The following DYNC2I1 variants were observed in gnomAD, a reference collection of about 807,000 sequenced individuals.
DYNC2I1 encodes dynein 2 intermediate chain 1.
Under a neutral mutation model 133.4 loss-of-function variants are expected in DYNC2I1, and 89 were observed. That is an observed-to-expected ratio of 0.67 (90% CI 0.56 to 0.80). The LOEUF is 0.80. DYNC2I1 is among the 30% of genes least tolerant of loss of function. The pLI, the probability that DYNC2I1 is intolerant of heterozygous loss-of-function variation, is 0.00. For synonymous variants in DYNC2I1, 504 were observed against 484.3 expected (o/e 1.04, Z -0.54); for missense variants, 1,291 against 1,314.5 (o/e 0.98, Z 0.28).
intron 22 of DYNC2I1, 66 bp from the exon 23 acceptor site, chr7:158,934,352 C>T (rs1850536826): frequency 1.3e-6 from 2 of 1,561,700 alleles, no homozygotes; most frequent in African/African-American, 1.4e-5. Context: ...GTTTGAGGAA[C>T]AGTAGCTGTA....
intron 21 of DYNC2I1, among the ~76,000 whole-genome samples, chr7:158,933,863 T>C (rs1850476246): frequency 6.6e-6 from 1 of 152,220 alleles, no homozygotes; most frequent in African/African-American, 2.4e-5. Context: ...GAAACTGTTA[T>C]CTCTGAAATT....
chr7:158,859,281 A>G (rs1841662811), intron 1 of DYNC2I1, among the ~76,000 whole-genome samples: 1 of 152,018 alleles, frequency 6.6e-6, no homozygotes, highest in African/African-American at 2.4e-5. Context: ...TAGGAGCAAA[A>G]TAATTTCCCA....
chr7:158,894,181 C>T lies in DYNC2I1; in HGVS notation c.1059+2848C>T, dbSNP rs562036734. 1.3e-3 allele frequency among the ~76,000 whole-genome samples: 98 copies of T among 75,610 alleles called. No individual in the cohort carries two copies. The Middle Eastern group carries it at 0.05, about 39-fold the overall frequency. The allele number at this position is 75,610 out of a possible 152,430, so 49.6% of individuals were successfully genotyped here. ...GTACATCATAATGCATGTCACACTA[C>T]GTATCATACTACATATCATACCGTA... On this transcript the variant is annotated intron_variant, in intron 8 of 24. Transcript: ENST00000407559.
At chr7:158,850,547 T>C in the DYNC2I1 span, among the ~76,000 whole-genome samples, 1 of 152,208 alleles carries the variant, frequency 6.6e-6, no homozygotes, top group African/African-American at 2.4e-5. Context: ...CTATCAATTG[T>C]AAATGTTAAA....
At chr7:158,874,432 T>C (rs985457431) in intron 3 of DYNC2I1, among the ~76,000 whole-genome samples, 6 of 152,222 alleles carry the variant, frequency 3.9e-5, no homozygotes, top group Admixed American at 1.3e-4. Context: ...TTCAAAATTA[T>C]TGTTTTTGAT....
intron 16 of DYNC2I1, 122 bp from the exon 17 acceptor site, chr7:158,923,449 C>T (rs538095592): frequency 7.7e-7 from 1 of 1,291,274 alleles, no homozygotes; most frequent in Non-Finnish European, 1.1e-6. Flanking sequence ...GCTTACTGGG[C>T]CCTGCAGGTG....
the DYNC2I1 span, among the ~76,000 whole-genome samples, chr7:158,844,269 C>G: frequency 2.0e-5 from 3 of 152,124 alleles, no homozygotes; most frequent in Non-Finnish European, 4.4e-5. Flanking sequence ...CGTTTCTTTC[C>G]TCTCCTCTCT....
chr7:158,868,006 G>A (rs1842556018), intron 1 of DYNC2I1, among the ~76,000 whole-genome samples: 1 of 152,148 alleles, frequency 6.6e-6, no homozygotes, highest in Non-Finnish European at 1.5e-5. Flanking sequence ...CTACTCAGGA[G>A]GCTGAGGTGG....
chr7:158,871,459 C>T lies in DYNC2I1; in HGVS notation c.387C>T (p.Ala129=). Reference sequence around the variant, plus strand: ...GGGAAAAAGAAAAAGACAGAAGGGCCCGGAAGGAAGAGCTCCGGCAGACCG... The same window carrying T: ...GGGAAAAAGAAAAAGACAGAAGGGCTCGGAAGGAAGAGCTCCGGCAGACCG... ...KDREKEKDRR[A]RKEELRQTVA... Residue 129 remains alanine, a synonymous_variant, in exon 3 of 25, where the codon GCC becomes GCT. Coordinates refer to ENST00000407559, the MANE Select transcript of DYNC2I1 (RefSeq NM_018051.5). 6.5e-7 allele frequency: 1 copy of T among 1,550,062 alleles called. No individual in the cohort carries two copies. The highest frequency in any genetic ancestry group is 8.7e-7 in the Non-Finnish European group (1 of 1,146,912).
chr7:158,902,512 C>G lies in DYNC2I1; in HGVS notation c.1274C>G (p.Ala425Gly). 1 of 1,613,980 alleles carries G rather than the reference C, an allele frequency of 6.2e-7. No homozygotes were observed. The highest frequency in any genetic ancestry group is 8.5e-7 in the Non-Finnish European group (1 of 1,179,884). ...EIQEIQRAIN[A>G]ENERIGELSL... The stretch of plus-strand genomic sequence containing the variant: ...CAAGAAATTCAAAGAGCTATTAATG[C>G]AGAAAATGAAAGGATTGGCGAGTTA... The change falls in exon 10 of 25, where the codon GCA becomes GGA. Residue 425 changes from alanine (A) to glycine (G), a missense_variant. Coordinates refer to ENST00000407559, the MANE Select transcript of DYNC2I1 (RefSeq NM_018051.5).
intron 3 of DYNC2I1, among the ~76,000 whole-genome samples, chr7:158,874,916 A>G (rs1443307186): frequency 2.0e-5 from 3 of 152,030 alleles, no homozygotes; most frequent in East Asian, 1.9e-4. Context: ...CTCAGTTAAT[A>G]GCACCTGCAT....
chr7:158,899,780 C>G (rs912211731), intron 8 of DYNC2I1, among the ~76,000 whole-genome samples: 7 of 152,160 alleles, frequency 4.6e-5, no homozygotes. Flanking sequence ...TGCCTCCTGC[C>G]ATGATTCTGA....
upstream of DYNC2I1, among the ~76,000 whole-genome samples, chr7:158,856,298 T>G (rs965817797): frequency 1.3e-5 from 2 of 152,186 alleles, no homozygotes; most frequent in Non-Finnish European, 2.9e-5. Flanking sequence ...CTTCCCCGAC[T>G]GTCAGTCCGG....
chr7:158,892,441 T>C (rs1845318450), intron 8 of DYNC2I1, among the ~76,000 whole-genome samples: 1 of 152,130 alleles, frequency 6.6e-6, no homozygotes, highest in African/African-American at 2.4e-5. Context: ...TTTATTATTT[T>C]TTATTTTATA....
At chr7:158,845,692 T>C in the DYNC2I1 span, among the ~76,000 whole-genome samples, 1 of 152,186 alleles carries the variant, frequency 6.6e-6, no homozygotes, top group African/African-American at 2.4e-5. Context: ...ATAAAGATGG[T>C]TGACAGGGAA....
downstream of DYNC2I1, among the ~76,000 whole-genome samples, chr7:158,957,001 T>C (rs1852216339): frequency 6.8e-6 from 1 of 147,026 alleles, no homozygotes; most frequent in African/African-American, 2.5e-5. Flanking sequence ...CCAAGTTCTT[T>C]GTTGATCTCT....
rs200809846 is a variant in DYNC2I1, at chr7:158,933,212, AATAC to A, written c.2547-913_2547-910del. Among the ~76,000 whole-genome samples, 97 of 152,332 alleles carry A rather than the reference AATAC, an allele frequency of 6.4e-4. No homozygotes were observed. In the East Asian group the frequency reaches 0.015, roughly 23 times the overall value. On this transcript the variant is annotated intron_variant, in intron 21 of 24. Coordinates refer to ENST00000407559, the MANE Select transcript of DYNC2I1 (RefSeq NM_018051.5). ...CAACTGTGGGCATCTCTCTGTTACA[AATAC>A]ATAGGCCATATAAAGGAAAAAATAA...
chr7:158,870,387 C>T lies in DYNC2I1; in HGVS notation c.69+479C>T, dbSNP rs190765064. 3.0e-4 allele frequency among the ~76,000 whole-genome samples: 45 copies of T among 151,818 alleles called. No individual in the cohort carries two copies. In the East Asian group the frequency reaches 6.8e-3, roughly 23 times the overall value. The stretch of plus-strand genomic sequence containing the variant: ...CTTTTTTTTAGAGACAGGGTCTTAC[C>T]GTTTTGCCTAGGCCGGAGTGCAGTG... On this transcript the variant is annotated intron_variant, in intron 2 of 24. Transcript: ENST00000407559.
intron 2 of DYNC2I1, among the ~76,000 whole-genome samples, chr7:158,870,321 G>T (rs953729335): frequency 1.3e-5 from 2 of 152,010 alleles, no homozygotes; most frequent in African/African-American, 2.4e-5. Context: ...TTTAACACAT[G>T]TAGTATTTTA....
Sources: allele counts gnomAD v4.1 joint callset (sites outside exome capture counted in the v4.1 genomes callset), GRCh38; gene constraint gnomAD v4.1.1; transcripts MANE v1.5; gene names NCBI Gene and HGNC (gene_info 2026-07-23, HGNC 2026-07-21).